The following WDPCP variants were observed in gnomAD, a reference collection of about 807,000 sequenced individuals.
WDPCP encodes the protein WD repeat-containing and planar cell polarity effector protein fritz homolog.
Under a neutral mutation model 93.1 loss-of-function variants are expected in WDPCP, and 71 were observed. That is an observed-to-expected ratio of 0.76 (90% CI 0.63 to 0.93). WDPCP has a LOEUF of 0.93. Ranked by LOEUF, WDPCP falls within the 40% of genes least tolerant of loss-of-function variation. WDPCP has a pLI of 0.00. For missense variants in WDPCP, 844 were observed against 887.4 expected (o/e 0.95, Z 0.62); for synonymous variants, 315 against 315.0 (o/e 1.00, Z 0.00).
intron 2 of WDPCP, among the ~76,000 whole-genome samples, chr2:63,651,200 T>C (rs1019585798): frequency 1.3e-5 from 2 of 152,228 alleles, no homozygotes; most frequent in Non-Finnish European, 2.9e-5. Flanking sequence ...ATTCTATTTT[T>C]TTAAAAGCCA....
chr2:63,832,988 C>T, the WDPCP span, among the ~76,000 whole-genome samples: 1 of 152,186 alleles, frequency 6.6e-6, no homozygotes, highest in African/African-American at 2.4e-5. Flanking sequence ...CACAGTGGCT[C>T]CCACCTGTAA....
chr2:63,780,765 C>T (rs1670374553), intron 2 of WDPCP, among the ~76,000 whole-genome samples: 1 of 151,422 alleles, frequency 6.6e-6, no homozygotes, highest in Admixed American at 6.6e-5. Context: ...AATATATGCA[C>T]AGCTTGGAGA....
intron 9 of WDPCP, among the ~76,000 whole-genome samples, chr2:63,406,247 G>A (rs1484427743): frequency 2.0e-5 from 3 of 152,044 alleles, no homozygotes; most frequent in African/African-American, 4.8e-5. Context: ...TCTTCAAACC[G>A]TTCAATGGCT....
intron 17 of WDPCP, among the ~76,000 whole-genome samples, chr2:63,142,857 T>A (rs1383126126): frequency 1.3e-5 from 2 of 150,694 alleles, no homozygotes; most frequent in Non-Finnish European, 3.0e-5. Context: ...TGTACACACA[T>A]ATATATACAC....
chr2:63,265,583 A>G (rs1385013217), intron 13 of WDPCP, among the ~76,000 whole-genome samples: 2 of 152,198 alleles, frequency 1.3e-5, no homozygotes, highest in African/African-American at 4.8e-5. Context: ...ATTATACCAA[A>G]CACTGAAAGA....
chr2:63,449,481 T>G (rs1698080636), intron 6 of WDPCP, among the ~76,000 whole-genome samples: 1 of 147,740 alleles, frequency 6.8e-6, no homozygotes, highest in Non-Finnish European at 1.5e-5. Context: ...GGGAAACACC[T>G]GAGGTACAGA....
At chr2:63,811,850 A>G (rs375790351) in intron 2 of WDPCP, among the ~76,000 whole-genome samples, 2 of 152,024 alleles carry the variant, frequency 1.3e-5, no homozygotes, top group South Asian at 4.2e-4. Context: ...TACAAGTAAG[A>G]ACATACAGTA....
chr2:63,734,141 A>ACC (rs1316528699), intron 2 of WDPCP, among the ~76,000 whole-genome samples: 1 of 152,104 alleles, frequency 6.6e-6, no homozygotes, highest in Non-Finnish European at 1.5e-5. Flanking sequence ...TTATCCATTC[A>ACC]CCAGTTGATG....
At chr2:63,815,870 TTTG>T (rs145808216) in intron 1 of WDPCP, among the ~76,000 whole-genome samples, 16 of 151,416 alleles carry the variant, frequency 1.1e-4, no homozygotes, top group Non-Finnish European at 1.9e-4. Context: ...CTGTCTTTGT[TTTG>T]TTGTTGTTGT....
chr2:63,603,389 G>T (rs1245714384), intron 3 of WDPCP, among the ~76,000 whole-genome samples: 1 of 152,060 alleles, frequency 6.6e-6, no homozygotes, highest in Non-Finnish European at 1.5e-5. Flanking sequence ...CTTTATTTAT[G>T]TGTGCTAAAG....
chr2:63,326,716 C>CAG (rs1157243714), intron 12 of WDPCP, among the ~76,000 whole-genome samples: 3 of 149,474 alleles, frequency 2.0e-5, no homozygotes, highest in African/African-American at 7.4e-5. Flanking sequence ...GACAGAAAGT[C>CAG]AGAGAGAGAG....
At chr2:63,425,239 G>A (rs369564840) in intron 9 of WDPCP, among the ~76,000 whole-genome samples, 3 of 152,134 alleles carry the variant, frequency 2.0e-5, no homozygotes, top group African/African-American at 4.8e-5. Flanking sequence ...CCCATTCAAC[G>A]ACAGCAAATC....
chr2:63,708,118 G>C (rs1575753668), intron 2 of WDPCP, among the ~76,000 whole-genome samples: 1 of 152,320 alleles, frequency 6.6e-6, no homozygotes, highest in East Asian at 1.9e-4. Flanking sequence ...CAGATCTCAA[G>C]CTGTGTGCTG....
intron 1 of WDPCP, among the ~76,000 whole-genome samples, chr2:63,548,896 G>A (rs2106342814): frequency 6.6e-6 from 1 of 152,140 alleles, no homozygotes; most frequent in Non-Finnish European, 1.5e-5. Context: ...AACAACCATG[G>A]GTGAAAGAAA....
At chr2:63,403,674 G>C (rs1446927194) in intron 10 of WDPCP, 1 of 164,776 alleles carries the variant, frequency 6.1e-6, no homozygotes, top group Non-Finnish European at 1.3e-5. Flanking sequence ...AATTTTTATA[G>C]AAAAATTATT....
upstream of WDPCP, among the ~76,000 whole-genome samples, chr2:63,832,230 G>A (rs1405404169): frequency 6.6e-6 from 1 of 152,166 alleles, no homozygotes; most frequent in Non-Finnish European, 1.5e-5. Context: ...GCCTCAACTG[G>A]AAAAACTCAT....
intron 12 of WDPCP, among the ~76,000 whole-genome samples, chr2:63,324,153 C>A (rs1237971431): frequency 6.6e-6 from 1 of 152,144 alleles, no homozygotes; most frequent in Non-Finnish European, 1.5e-5. Context: ...TACTATCCTG[C>A]AGCTTGACCT....
At chr2:63,446,678 G>A (rs1697887929) in intron 6 of WDPCP, among the ~76,000 whole-genome samples, 1 of 152,152 alleles carries the variant, frequency 6.6e-6, no homozygotes, top group African/African-American at 2.4e-5. Context: ...CAGTCCACAG[G>A]AAACCCACCC....
At chr2:63,639,504 G>GCA (rs1157558921) in intron 3 of WDPCP, among the ~76,000 whole-genome samples, 2 of 152,074 alleles carry the variant, frequency 1.3e-5, no homozygotes, top group African/African-American at 4.8e-5. Flanking sequence ...GGTGAGAGGG[G>GCA]CACACTGAGA....
Sources: gnomAD v4.1 joint callset for allele counts (sites outside exome capture counted in the v4.1 genomes callset) on GRCh38, gnomAD v4.1.1 for gene constraint, MANE v1.5 for transcripts, NCBI Gene and HGNC (gene_info 2026-07-23, HGNC 2026-07-21) for gene names.